TASP1: variants seen among roughly 807,000 people sequenced by gnomAD.
The protein encoded by TASP1 is taspase 1.
In TASP1, 16 loss-of-function variants were observed where a neutral mutation model predicts 56.6. That is an observed-to-expected ratio of 0.28 (90% CI 0.19 to 0.43). TASP1 has a LOEUF of 0.43. Among genes scored for constraint, TASP1 ranks in the 20% least tolerant of loss-of-function variants. The probability of loss-of-function intolerance (pLI) is 1.00; values close to 1 mark genes in which losing one functional copy is unlikely to be tolerated. For synonymous variants in TASP1, 179 were observed against 184.2 expected (o/e 0.97, Z 0.23); for missense variants, 393 against 511.6 (o/e 0.77, Z 2.24).
the TASP1 span, among the ~76,000 whole-genome samples, chr20:13,211,350 A>G: frequency 6.6e-6 from 1 of 152,178 alleles, no homozygotes; most frequent in African/African-American, 2.4e-5. Context: ...CATAACCTCA[A>G]TTAAGACTCT....
At chr20:13,615,397 T>C (rs370088216) in intron 4 of TASP1, among the ~76,000 whole-genome samples, 1 of 152,150 alleles carries the variant, frequency 6.6e-6, no homozygotes, top group East Asian at 1.9e-4. Context: ...TTTAAGCTGA[T>C]TTCTATAGTG....
intron 6 of TASP1, 50 bp from the exon 7 acceptor site, chr20:13,569,636 C>T (rs924035647): frequency 2.0e-6 from 3 of 1,471,704 alleles, no homozygotes; most frequent in Non-Finnish European, 2.8e-6. Context: ...TCTTCTCCTA[C>T]ATATTCAATA....
At chr20:13,228,860 T>A in the TASP1 span, among the ~76,000 whole-genome samples, 1 of 152,220 alleles carries the variant, frequency 6.6e-6, no homozygotes, top group African/African-American at 2.4e-5. Context: ...TTTAATTGTG[T>A]CTTATGTCTC....
At chr20:13,445,272 A>G (rs912995224) in intron 11 of TASP1, among the ~76,000 whole-genome samples, 1 of 152,204 alleles carries the variant, frequency 6.6e-6, no homozygotes, top group Admixed American at 6.5e-5. Flanking sequence ...AATCAATCAT[A>G]TATGTACCTA....
intron 4 of TASP1, among the ~76,000 whole-genome samples, chr20:13,594,428 C>T (rs548817313): frequency 8.5e-5 from 13 of 152,092 alleles, no homozygotes; most frequent in African/African-American, 1.2e-4. Context: ...CAAACTTCTC[C>T]GAGCTAAAGG....
At chr20:13,434,684 A>C (rs968115493) in intron 12 of TASP1, among the ~76,000 whole-genome samples, 3 of 152,116 alleles carry the variant, frequency 2.0e-5, no homozygotes, top group African/African-American at 7.2e-5. Context: ...CTTTTGGGGA[A>C]GGGGAACAGG....
chr20:13,239,865 T>C, the TASP1 span, among the ~76,000 whole-genome samples: 5 of 152,286 alleles, frequency 3.3e-5, no homozygotes, highest in South Asian at 6.2e-4. Flanking sequence ...CCAAAGCAAG[T>C]CATCTTTCAT....
At chr20:13,471,800 G>A (rs576369872) in intron 11 of TASP1, among the ~76,000 whole-genome samples, 5 of 152,244 alleles carry the variant, frequency 3.3e-5, no homozygotes, top group Non-Finnish European at 7.3e-5. Context: ...GAGGAACCTG[G>A]TTCATCTCAT....
At chr20:13,272,482 T>C in the TASP1 span, among the ~76,000 whole-genome samples, 3 of 152,164 alleles carry the variant, frequency 2.0e-5, no homozygotes, top group Non-Finnish European at 4.4e-5. Context: ...GCTGGAGGGA[T>C]CATGAAGACA....
At chr20:13,207,411 G>T in the TASP1 span, among the ~76,000 whole-genome samples, 1 of 152,196 alleles carries the variant, frequency 6.6e-6, no homozygotes, top group African/African-American at 2.4e-5. Context: ...ATAAGACATA[G>T]GTATAGATAG....
the TASP1 span, among the ~76,000 whole-genome samples, chr20:13,284,748 C>G: frequency 6.6e-6 from 1 of 152,186 alleles, no homozygotes; most frequent in African/African-American, 2.4e-5. Flanking sequence ...AGTTTCACTT[C>G]ACTGTCAGCC....
chr20:13,581,393 T>C (rs12106004), intron 5 of TASP1, among the ~76,000 whole-genome samples: 7,524 of 152,188 alleles, frequency 0.049, 283 homozygotes, highest in African/African-American at 0.099. Context: ...TAAATTCCTT[T>C]TAAAGAGTAA....
intron 6 of TASP1, among the ~76,000 whole-genome samples, chr20:13,573,777 G>C (rs531811211): frequency 6.6e-6 from 1 of 152,264 alleles, no homozygotes; most frequent in South Asian, 2.1e-4. Flanking sequence ...GTTTTCAGAC[G>C]TTAAGACATT....
chr20:13,400,402 T>C (rs2041692834), intron 13 of TASP1, among the ~76,000 whole-genome samples: 1 of 152,194 alleles, frequency 6.6e-6, no homozygotes, highest in South Asian at 2.1e-4. Context: ...TTCAAAATTT[T>C]ACCATGATAT....
the TASP1 span, among the ~76,000 whole-genome samples, chr20:13,370,840 C>T: frequency 1.3e-5 from 2 of 152,096 alleles, no homozygotes; most frequent in Non-Finnish European, 2.9e-5. Context: ...ACTTTAATAT[C>T]AGTACTTGTT....
chr20:13,384,072 T>C, the TASP1 span, among the ~76,000 whole-genome samples: 1 of 152,220 alleles, frequency 6.6e-6, no homozygotes, highest in Non-Finnish European at 1.5e-5. Flanking sequence ...TTGGAAGATA[T>C]CCTCTACCTC....
At chr20:13,421,108 CTTTTTTTTTTTT>C (rs34805037) in intron 12 of TASP1, among the ~76,000 whole-genome samples, 2 of 123,442 alleles carry the variant, frequency 1.6e-5, no homozygotes, top group Non-Finnish European at 3.4e-5. Context: ...CGTTTTCCTT[CTTTTTTTTTTTT>C]TTTTTTTTTT....
the TASP1 span, among the ~76,000 whole-genome samples, chr20:13,273,971 T>G: frequency 0.16 from 23,950 of 152,062 alleles, 2,159 homozygotes; most frequent in African/African-American, 0.24. Flanking sequence ...GACCACAAAA[T>G]GTTAGTATTG....
At chr20:13,473,510 C>A (rs2044602259) in intron 11 of TASP1, among the ~76,000 whole-genome samples, 1 of 151,986 alleles carries the variant, frequency 6.6e-6, no homozygotes, top group African/African-American at 2.4e-5. Flanking sequence ...CTTAAAAAAA[C>A]TCTATTGCCA....
Sources: allele counts gnomAD v4.1 joint callset (sites outside exome capture counted in the v4.1 genomes callset), GRCh38; gene constraint gnomAD v4.1.1; transcripts MANE v1.5; gene names NCBI Gene and HGNC (gene_info 2026-07-23, HGNC 2026-07-21).